The following CALN1 variants were observed in gnomAD, a reference collection of about 807,000 sequenced individuals.
CALN1 encodes calneuron 1.
In CALN1, 17 loss-of-function variants were observed where a neutral mutation model predicts 30.6. The ratio of observed to expected loss-of-function variants is 0.56; its 90% confidence interval spans 0.38 to 0.83. The LOEUF (loss-of-function observed/expected upper bound fraction) is 0.83, where lower values mean the gene tolerates loss of function less well. CALN1 is among the 40% of genes least tolerant of loss of function. The pLI is 0.00. For synonymous variants in CALN1, 156 were observed against 131.4 expected, an observed-to-expected ratio of 1.19 and a Z score of -1.28; for missense variants, 291 against 354.9, an observed-to-expected ratio of 0.82 and a Z score of 1.45.
chr7:71,820,991 G>C (rs1360386921), intron 5 of CALN1, among the ~76,000 whole-genome samples: 1 of 152,152 alleles, frequency 6.6e-6, no homozygotes, highest in East Asian at 1.9e-4. Context: ...TGGGTTTTAC[G>C]TTCAGCTGAA....
intron 2 of CALN1, among the ~76,000 whole-genome samples, chr7:72,350,559 A>G (rs191880285): frequency 1.6e-4 from 25 of 152,294 alleles, no homozygotes; most frequent in Admixed American, 1.0e-3. Flanking sequence ...GTTTTCACTT[A>G]TAAGTGGGAG....
chr7:72,035,758 A>G (rs1801754960), intron 4 of CALN1, among the ~76,000 whole-genome samples: 1 of 152,172 alleles, frequency 6.6e-6, no homozygotes, highest in Non-Finnish European at 1.5e-5. Flanking sequence ...CACTCCTTTC[A>G]ATTGTTGATG....
rs1044715843 is a variant in CALN1 at position 72,350,835 on chromosome 7, A to C, written c.119+52416T>G. 4.6e-5 allele frequency among the ~76,000 whole-genome samples: 7 copies of C among 152,216 alleles called. 1 individual carries two copies. The highest frequency in any genetic ancestry group is 1.0e-4 in the Non-Finnish European group (7 of 68,028). ...ACTGAGAATTTCCTAATCAGCAAAA[A>C]TATCCTCTGAATTTAAAGGTGATGG... On this transcript the variant is annotated intron_variant, in intron 2 of 6. Transcript: ENST00000395275.
At chr7:72,384,147 G>A (rs1330974791) in intron 2 of CALN1, among the ~76,000 whole-genome samples, 1 of 152,136 alleles carries the variant, frequency 6.6e-6, no homozygotes, top group Non-Finnish European at 1.5e-5. Flanking sequence ...TCCATTACTG[G>A]CAGGGGACAT....
At chr7:72,443,324 A>G (rs1202309018) in intron 1 of CALN1, among the ~76,000 whole-genome samples, 1 of 152,240 alleles carries the variant, frequency 6.6e-6, no homozygotes, top group Non-Finnish European at 1.5e-5. Flanking sequence ...ATCAATGCTC[A>G]GTGCGTATTT....
chr7:72,310,322 C>A (rs1160803316), intron 2 of CALN1, among the ~76,000 whole-genome samples: 4 of 150,026 alleles, frequency 2.7e-5, no homozygotes, highest in African/African-American at 4.9e-5. Flanking sequence ...TGATATGATC[C>A]AGAAGATACT....
At chr7:72,452,390 TGGCTTGGCA>T in the CALN1 span, among the ~76,000 whole-genome samples, 2 of 152,112 alleles carry the variant, frequency 1.3e-5, no homozygotes, top group African/African-American at 4.8e-5. Context: ...CCCTTATGGA[TGGCTTGGCA>T]CCCTCCTTGT....
chr7:72,410,910 A>G (rs1308712632), intron 1 of CALN1, among the ~76,000 whole-genome samples: 1 of 152,168 alleles, frequency 6.6e-6, no homozygotes, highest in Admixed American at 6.5e-5. Flanking sequence ...GTAGGCATTA[A>G]CCAACATGAT....
intron 4 of CALN1, among the ~76,000 whole-genome samples, chr7:72,024,073 G>A (rs1192255798): frequency 6.6e-6 from 1 of 151,986 alleles, no homozygotes; most frequent in African/African-American, 2.4e-5. Flanking sequence ...CTTTTACTCC[G>A]AATTGCCCAG....
intron 2 of CALN1, among the ~76,000 whole-genome samples, chr7:72,318,317 C>T (rs1039228871): frequency 3.9e-5 from 6 of 152,142 alleles, no homozygotes; most frequent in African/African-American, 1.4e-4. Context: ...CACTTTCATT[C>T]TTCTCCTACT....
chr7:72,214,414 G>A (rs1195364503), intron 3 of CALN1, among the ~76,000 whole-genome samples: 1 of 152,048 alleles, frequency 6.6e-6, no homozygotes, highest in Non-Finnish European at 1.5e-5. Flanking sequence ...AGGAGGTGGA[G>A]GCTGCAGTGA....
intron 5 of CALN1, among the ~76,000 whole-genome samples, chr7:71,945,970 C>T (rs972413066): frequency 9.9e-5 from 15 of 152,158 alleles, no homozygotes; most frequent in African/African-American, 1.9e-4. Flanking sequence ...AGGGCAGAGA[C>T]GACCTGGGCA....
chr7:72,040,269 G>T (rs1165959799), intron 4 of CALN1, among the ~76,000 whole-genome samples: 1 of 151,858 alleles, frequency 6.6e-6, no homozygotes, highest in Admixed American at 6.6e-5. Flanking sequence ...GAGCCCAGGA[G>T]TTTGAGACCT....
intron 2 of CALN1, among the ~76,000 whole-genome samples, chr7:72,320,689 C>G (rs1800810802): frequency 6.6e-6 from 1 of 151,792 alleles, no homozygotes; most frequent in Non-Finnish European, 1.5e-5. Context: ...ACAAAAATTA[C>G]CCAGGCATGG....
chr7:72,215,163 G>T (rs1350234874), intron 3 of CALN1, among the ~76,000 whole-genome samples: 2 of 152,218 alleles, frequency 1.3e-5, no homozygotes, highest in East Asian at 3.9e-4. Flanking sequence ...GCGGACCACT[G>T]GTCTACATGC....
chr7:72,447,947 C>T (rs573634223), upstream of CALN1, among the ~76,000 whole-genome samples: 54 of 149,822 alleles, frequency 3.6e-4, no homozygotes, highest in South Asian at 1.3e-3. Flanking sequence ...CACACACAGA[C>T]GCCTGCCTAG....
chr7:72,427,439 T>C (rs1048422816), intron 1 of CALN1, among the ~76,000 whole-genome samples: 1 of 152,220 alleles, frequency 6.6e-6, no homozygotes, highest in Non-Finnish European at 1.5e-5. Context: ...TGCTCCACTC[T>C]GTGCAGAGTT....
chr7:72,143,357 CG>C (rs1312913561), intron 3 of CALN1, among the ~76,000 whole-genome samples: 3 of 151,928 alleles, frequency 2.0e-5, no homozygotes, highest in Admixed American at 2.0e-4. Context: ...ATTCGATCAA[CG>C]GGAAGAAAGG....
At chr7:72,240,726 G>T (rs1449579752) in intron 3 of CALN1, among the ~76,000 whole-genome samples, 1 of 152,198 alleles carries the variant, frequency 6.6e-6, no homozygotes, top group Non-Finnish European at 1.5e-5. Flanking sequence ...AGCTGGCAAA[G>T]AAATCCAGTC....
Sources: gnomAD v4.1 joint callset for allele counts (sites outside exome capture counted in the v4.1 genomes callset) on GRCh38, gnomAD v4.1.1 for gene constraint, MANE v1.5 for transcripts, NCBI Gene and HGNC (gene_info 2026-07-23, HGNC 2026-07-21) for gene names.